CAB39: variants seen among roughly 807,000 people sequenced by gnomAD.
The protein encoded by CAB39 is calcium binding protein 39.
CAB39 carries 8 observed loss-of-function variants against 40.0 expected under a neutral mutation model. The ratio of observed to expected loss-of-function variants is 0.20; its 90% CI spans 0.12 to 0.36. The LOEUF is 0.36. Among genes scored for constraint, CAB39 ranks in the 10% least tolerant of loss-of-function variants. The probability of loss-of-function intolerance (pLI) is 1.00; values close to 1 mark genes in which losing one functional copy is unlikely to be tolerated. For synonymous variants in CAB39, 156 were observed against 141.6 expected (o/e 1.10, Z -0.72); for missense variants, 270 against 401.1 (o/e 0.67, Z 2.79).
chr2:230,807,941 AAGTT>A (rs1321563266), intron 5 of CAB39, among the ~76,000 whole-genome samples: 6 of 152,212 alleles, frequency 3.9e-5, no homozygotes, highest in African/African-American at 1.2e-4. Flanking sequence ...TAGTCGCAAA[AAGTT>A]AGAAGCAACA....
chr2:230,741,831 T>G lies in CAB39; in HGVS notation c.-43-18128T>G, dbSNP rs761490375. Among the ~76,000 whole-genome samples the G allele has an allele frequency of 3.4e-4, 51 of 152,230 alleles. 1 individual carries two copies. The highest frequency in any genetic ancestry group is 3.8e-4 in the East Asian group (2 of 5,200). ...TTACCATATAAAGAATATATTATGC[T>G]TCCCCCAAAATAACTTAGTTGCTGG... is the stretch of plus-strand genomic sequence containing the variant. On this transcript the variant is annotated intron_variant, in intron 1 of 8. Coordinates refer to ENST00000258418, the MANE Select transcript of CAB39 (RefSeq NM_016289.4).
intron 6 of CAB39, among the ~76,000 whole-genome samples, chr2:230,813,700 AG>A (rs1696344501): frequency 6.6e-6 from 1 of 152,082 alleles, no homozygotes; most frequent in African/African-American, 2.4e-5. Flanking sequence ...AACAAGCAAA[AG>A]TGTGAGGGGT....
intron 5 of CAB39, among the ~76,000 whole-genome samples, chr2:230,806,723 G>A (rs1696201797): frequency 6.6e-6 from 1 of 152,206 alleles, no homozygotes; most frequent in African/African-American, 2.4e-5. Flanking sequence ...GGATAGGTCT[G>A]ACCCTAGCAC....
At chr2:230,756,941 T>C (rs2124914864) in intron 1 of CAB39, among the ~76,000 whole-genome samples, 1 of 152,322 alleles carries the variant, frequency 6.6e-6, no homozygotes, top group Admixed American at 6.5e-5. Flanking sequence ...TCTGCTGGCC[T>C]CGTCCTCCCA....
At chr2:230,788,250 T>G (rs1410610345) in intron 2 of CAB39, among the ~76,000 whole-genome samples, 6 of 151,896 alleles carry the variant, frequency 4.0e-5, no homozygotes, top group East Asian at 1.9e-4. Context: ...TTTTCGGTTT[T>G]TTTTTTTTTT....
At chr2:230,794,589 A>G (rs537481925) in intron 4 of CAB39, among the ~76,000 whole-genome samples, 1 of 152,322 alleles carries the variant, frequency 6.6e-6, no homozygotes, top group South Asian at 2.1e-4. Flanking sequence ...CTTTTGAGAT[A>G]CAATTTACAG....
intron 1 of CAB39, among the ~76,000 whole-genome samples, chr2:230,749,727 T>G (rs1013562277): frequency 1.1e-4 from 16 of 152,338 alleles, no homozygotes; most frequent in African/African-American, 1.9e-4. Context: ...TTGGTTTTCC[T>G]TTTCCTACTG....
chr2:230,721,932 C>A (rs1444415462), intron 1 of CAB39, among the ~76,000 whole-genome samples: 1 of 152,096 alleles, frequency 6.6e-6, no homozygotes, highest in Non-Finnish European at 1.5e-5. Context: ...GGTTAGGAAA[C>A]CCTCTTATTT....
rs1213919976 is a variant in CAB39 at position 230,819,731 on chromosome 2, T to C, written c.*1027T>C. On this transcript the variant is annotated 3_prime_UTR_variant, in exon 9 of 9. Transcript: ENST00000258418. Reference sequence around the variant, plus strand: ...ATGGGGTGCCATCAATAAGCTGCGATACAGCCCTGGAGCTCAGTCAGCCAC... The same window carrying C: ...ATGGGGTGCCATCAATAAGCTGCGACACAGCCCTGGAGCTCAGTCAGCCAC... 2 of 152,292 alleles carry C rather than the reference T, an allele frequency of 1.3e-5. No homozygotes were observed. The highest frequency in any genetic ancestry group is 2.4e-5 in the African/African-American group (1 of 41,474). 9.4% of individuals were successfully genotyped at this position (152,292 alleles called of 1,614,324 possible).
intron 4 of CAB39, among the ~76,000 whole-genome samples, chr2:230,794,565 C>G (rs947725737): frequency 6.6e-6 from 1 of 152,170 alleles, no homozygotes; most frequent in Non-Finnish European, 1.5e-5. Context: ...TGTTAAATGG[C>G]ATGTCAAGAA....
At chr2:230,757,044 A>G (rs949770330) in intron 1 of CAB39, among the ~76,000 whole-genome samples, 2 of 152,066 alleles carry the variant, frequency 1.3e-5, no homozygotes, top group Non-Finnish European at 2.9e-5. Context: ...AACTTTACCA[A>G]TGTGTTTGGA....
intron 7 of CAB39, among the ~76,000 whole-genome samples, chr2:230,816,562 G>A (rs1199031212): frequency 6.6e-6 from 1 of 152,168 alleles, no homozygotes; most frequent in Non-Finnish European, 1.5e-5. Flanking sequence ...TACTTATCCA[G>A]AGATCAGTTA....
At chr2:230,725,767 A>G (rs778215777) in intron 1 of CAB39, among the ~76,000 whole-genome samples, 2 of 152,224 alleles carry the variant, frequency 1.3e-5, no homozygotes, top group Non-Finnish European at 2.9e-5. Context: ...CAGGACACAA[A>G]GAACTTTCAT....
At chr2:230,750,833 A>G (rs1036761196) in intron 1 of CAB39, among the ~76,000 whole-genome samples, 2 of 152,206 alleles carry the variant, frequency 1.3e-5, no homozygotes, top group Non-Finnish European at 2.9e-5. Context: ...TGAAGTAGCT[A>G]TTGCTTTTCC....
At chr2:230,803,318 C>G (rs918176494) in intron 5 of CAB39, among the ~76,000 whole-genome samples, 2 of 152,112 alleles carry the variant, frequency 1.3e-5, no homozygotes, top group African/African-American at 4.8e-5. Context: ...GGGCAAAAAC[C>G]GGAAGCATTC....
chr2:230,758,253 A>G (rs1364268417), intron 1 of CAB39, among the ~76,000 whole-genome samples: 1 of 150,834 alleles, frequency 6.6e-6, no homozygotes, highest in East Asian at 1.9e-4. Flanking sequence ...CAGTGAGCCA[A>G]GATTGCGCTG....
intron 1 of CAB39, among the ~76,000 whole-genome samples, chr2:230,724,111 G>A (rs894309229): frequency 6.6e-6 from 1 of 151,982 alleles, no homozygotes; most frequent in Admixed American, 6.6e-5. Flanking sequence ...GCTGAGTGTG[G>A]TGACGCACAC....
chr2:230,786,681 A>G (rs1371135600), intron 2 of CAB39, among the ~76,000 whole-genome samples: 1 of 152,196 alleles, frequency 6.6e-6, no homozygotes, highest in Non-Finnish European at 1.5e-5. Flanking sequence ...CAGAGAAGCA[A>G]AGGAGGCTGA....
In CAB39 at chr2:230,742,167, G is replaced by A. The variant is rs1694889445; in HGVS notation, c.-43-17792G>A. On this transcript the variant is annotated intron_variant, in intron 1 of 8. Transcript: ENST00000258418. ...CTTTTTTGTTTTGTTTTGTTTGTTT[G>A]TTTGTTTGTTTGTTTGTTTGTTTTT... Among the ~76,000 whole-genome samples, 3 of 150,622 alleles carry A rather than the reference G, an allele frequency of 2.0e-5. No individual in the cohort carries two copies. The South Asian group carries it at 6.2e-4, about 31-fold the overall frequency.
Sources: allele counts gnomAD v4.1 joint callset (sites outside exome capture counted in the v4.1 genomes callset), GRCh38; gene constraint gnomAD v4.1.1; transcripts MANE v1.5; gene names NCBI Gene and HGNC (gene_info 2026-07-23, HGNC 2026-07-21).